Variants in NKPD1 observed in about 807,000 individuals in gnomAD.
NKPD1 encodes the protein NTPase KAP family P-loop domain-containing protein 1.
NKPD1 carries 37 observed loss-of-function variants against 42.2 expected under a neutral mutation model. The observed-to-expected ratio is 0.88, with a 90% CI of 0.67 to 1.15. The LOEUF (loss-of-function observed/expected upper bound fraction) is 1.15, where lower values mean the gene tolerates loss of function less well. Among genes scored for constraint, NKPD1 ranks in the 50% most tolerant of loss-of-function variants. NKPD1 has a pLI of 0.00. For synonymous variants in NKPD1, 552 were observed against 536.5 expected (o/e 1.03, Z -0.40); for missense variants, 1,113 against 1,174.6 (o/e 0.95, Z 0.77).
At chr19:45,160,836 G>A (rs1290582030) in intron 1 of NKPD1, among the ~76,000 whole-genome samples, 89 bp downstream of exon 1, 1 of 152,038 alleles carries the variant, frequency 6.6e-6, no homozygotes, top group Non-Finnish European at 1.5e-5. Context: ...ACAGGGATAG[G>A]GAAAGGCTGA....
At position 45,153,427 on chromosome 19, in the gene NKPD1, C is replaced by T. The variant is rs551135480; in HGVS notation, c.1010G>A (p.Arg337Gln). ...CAGCAGCCCCAGGCACACGCGGCGC[C>T]GACAATGCCACTCGCTCTGGCAGCA... The part of the protein sequence containing the change: ...QDCCQSEWHC[R>Q]RRVCLGLLAL... The change falls in exon 5 of 5, where the codon CGG becomes CAG. Residue 337 changes from arginine to glutamine, a missense_variant. Physicochemically the swap from Arg to Gln is conservative, Grantham distance 43 (BLOSUM62 1). Transcript: ENST00000686631. The T allele has an allele frequency of 7.1e-6, 11 of 1,548,442 alleles. No individual in the cohort carries two copies. In the South Asian group the frequency reaches 9.4e-5, roughly 13 times the overall value.
chr19:45,153,184 T>C lies in NKPD1; in HGVS notation c.1253A>G (p.Glu418Gly). 2 of 1,584,436 alleles carry C rather than the reference T, an allele frequency of 1.3e-6. No individual in the cohort carries two copies. The highest frequency in any genetic ancestry group is 1.7e-6 in the Non-Finnish European group (2 of 1,166,240). The change falls in exon 5 of 5, where the codon GAA becomes GGA. Residue 418 changes from glutamate to glycine, a missense_variant. Physicochemically the swap from Glu to Gly is moderately conservative, Grantham distance 98. Around this residue, in one of 3 missense-constraint regions of NKPD1, gnomAD observed 867 missense variants for 870.1 expected, o/e 1.00. Transcript: ENST00000686631. ...RKKIERLVSR[E>G]KFGSQLGFMC... is the part of the protein sequence containing the mutation. ...GAAACCCAGCTGGCTGCCGAACTTT[T>C]CACGCGACACCAGCCGCTCGATCTT...
In NKPD1 at chr19:45,158,446, C is replaced by T. The variant is rs1968943154; in HGVS notation, c.529+217G>A. Among the ~76,000 whole-genome samples, 2 of 152,338 alleles carry T rather than the reference C, an allele frequency of 1.3e-5. No homozygotes were observed. Among genetic ancestry groups the T allele is most frequent in the South Asian group, 4.1e-4 (2 of 4,828 alleles). On this transcript the variant is annotated intron_variant, in intron 3 of 4. Coordinates refer to ENST00000686631, the MANE Select transcript of NKPD1 (RefSeq NM_198478.4). The surrounding 1 kb of genome is among the most constrained non-coding windows in gnomAD (Gnocchi z 4.6). Reference sequence around the variant, plus strand: ...TTCACTGCCTGGCGCAGGATGGAGGCACGGGGCAGGCCTGGCCTGGAAGCC... The same window carrying T: ...TTCACTGCCTGGCGCAGGATGGAGGTACGGGGCAGGCCTGGCCTGGAAGCC...
In NKPD1 at chr19:45,153,468, C is replaced by T; in HGVS notation, c.969G>A (p.Pro323=). The T allele has an allele frequency of 6.4e-7, 1 of 1,551,096 alleles. No individual in the cohort carries two copies. Among genetic ancestry groups the T allele is most frequent in the Non-Finnish European group, 8.7e-7 (1 of 1,151,390 alleles). Residue 323 remains proline (P), a synonymous_variant, in exon 5 of 5, where the codon CCG becomes CCA. Transcript: ENST00000686631. ...TCTGGCAGCAGTCCTGCCTGGTGGC[C>T]GGCTTGTTGCCCAGCACCGAGTACA... ...FSVYSVLGNK[P]ATRQDCCQSE... is the part of the protein sequence containing the mutation.
At position 45,158,717 on chromosome 19, in the gene NKPD1, C is replaced by A; in HGVS notation, c.475G>T (p.Ala159Ser). 8.3e-7 allele frequency: 1 copy of A among 1,200,692 alleles called. No individual in the cohort carries two copies. Among genetic ancestry groups the A allele is most frequent in the South Asian group, 1.5e-5 (1 of 65,648 alleles). The allele number at this position is 1,200,692 out of a possible 1,614,324, so 74.4% of individuals were successfully genotyped here. Residue 159 changes from alanine to serine, a missense_variant, in exon 3 of 5, where the codon GCC becomes TCC. Physicochemically the swap from Ala to Ser is moderately conservative, Grantham distance 99 (BLOSUM62 1). This residue lies in a region of NKPD1 where 204 missense variants were observed against 227.8 expected (regional missense o/e 0.90). Transcript: ENST00000686631. This position sits in a 1 kb window ranked among gnomAD's most constrained non-coding sequence, Gnocchi z 4.6. ...GCCGCTGGGGCGGGCAGGGGCCGGG[C>A]ATCAGTGGGCTCGCTGGGCTTCAGG... ...VLLKPSEPTD[A>S]RPLPAPAACG...
In NKPD1 at chr19:45,153,372, C is replaced by T. The variant is rs942799461; in HGVS notation, c.1065G>A (p.Val355=). ...CGCCCAGTGACAAGTAGAGCAGCCCCACACCCAGGCCCAGCGCCGCCAGCA... is the reference window on the plus strand; with the variant it reads ...CGCCCAGTGACAAGTAGAGCAGCCCTACACCCAGGCCCAGCGCCGCCAGCA... The part of the protein sequence containing the change: ...LALLAALGLG[V]GLLYLSLGGH... Residue 355 remains valine (V), a synonymous_variant, in exon 5 of 5, where the codon GTG becomes GTA. Transcript: ENST00000686631. 3.8e-6 allele frequency: 6 copies of T among 1,565,788 alleles called. No homozygotes were observed. The highest frequency in any genetic ancestry group is 1.7e-4 in the Middle Eastern group (1 of 5,840).
rs1045175979 is a variant in NKPD1, at chr19:45,150,585, G to C, written c.*1353C>G. ...TGAGGCCAGCTCTCCCTGACTGCTGGGAAACAGCTCCCAGGAGGTCCAGGC... is the reference window on the plus strand; with the variant it reads ...TGAGGCCAGCTCTCCCTGACTGCTGCGAAACAGCTCCCAGGAGGTCCAGGC... On this transcript the variant is annotated 3_prime_UTR_variant, in exon 5 of 5. Transcript: ENST00000686631. The C allele has an allele frequency of 2.6e-5, 4 of 152,314 alleles. No homozygotes were observed. The highest frequency in any genetic ancestry group is 9.7e-5 in the African/African-American group (4 of 41,432). The allele number at this position is 152,314 out of a possible 1,614,324, so 9.4% of individuals were successfully genotyped here.
chr19:45,152,329 G>A lies in NKPD1; in HGVS notation c.2108C>T (p.Thr703Ile), dbSNP rs757018797. The A allele has an allele frequency of 5.0e-6, 8 of 1,608,720 alleles. No homozygotes were observed. The highest frequency in any genetic ancestry group is 1.3e-5 in the African/African-American group (1 of 74,890). ...CACGTTCTGCAACGCCTTGGTCATG[G>A]TGTGCAGCTCGCGGCTGTTGTCGCG... Reference protein sequence around the residue: ...VFRDNSRELHTMTKALQNVLD... With the variant: ...VFRDNSRELHIMTKALQNVLD... Residue 703 changes from threonine to isoleucine, a missense_variant, in exon 5 of 5, where the codon ACC becomes ATC. By Grantham distance (89) the Thr-to-Ile change is moderately conservative (BLOSUM62 -1). Coordinates refer to ENST00000686631, the MANE Select transcript of NKPD1 (RefSeq NM_198478.4).
chr19:45,151,565 T>G lies in NKPD1; in HGVS notation c.*373A>C. ...CCTCTCCTGCCACAGAGATGCCAGA[T>G]GAGGAGGCCAGCATGGTGCAGAGGA... On this transcript the variant is annotated 3_prime_UTR_variant, in exon 5 of 5. Coordinates refer to ENST00000686631, the MANE Select transcript of NKPD1 (RefSeq NM_198478.4). The G allele has an allele frequency of 5.2e-6, 1 of 191,660 alleles. No homozygotes were observed. Among genetic ancestry groups the G allele is most frequent in the East Asian group, 1.3e-4 (1 of 7,704 alleles). 11.9% of individuals were successfully genotyped at this position (191,660 alleles called of 1,614,324 possible).
At position 45,151,564 on chromosome 19, in the gene NKPD1, A is replaced by C. The variant is rs1968777271; in HGVS notation, c.*374T>G. 1 of 192,326 alleles carries C rather than the reference A, an allele frequency of 5.2e-6. No individual in the cohort carries two copies. The highest frequency in any genetic ancestry group is 6.1e-5 in the Admixed American group (1 of 16,362). The allele number at this position is 192,326 out of a possible 1,614,324, so 11.9% of individuals were successfully genotyped here. On this transcript the variant is annotated 3_prime_UTR_variant, in exon 5 of 5. Coordinates refer to ENST00000686631, the MANE Select transcript of NKPD1 (RefSeq NM_198478.4). ...GCCTCTCCTGCCACAGAGATGCCAG[A>C]TGAGGAGGCCAGCATGGTGCAGAGG...
chr19:45,156,878 A>T (rs10416371), intron 3 of NKPD1, among the ~76,000 whole-genome samples: 5 of 152,068 alleles, frequency 3.3e-5, no homozygotes, highest in African/African-American at 1.2e-4. Context: ...GCCAGGAAGC[A>T]GACTCAGGAG....
intron 4 of NKPD1, 70 bp from the exon 5 acceptor site, chr19:45,153,845 A>T: frequency 1.4e-6 from 2 of 1,379,466 alleles, no homozygotes; most frequent in Non-Finnish European, 9.4e-7. Context: ...TAGTACGGGC[A>T]GGGCGGAGCG....
At chr19:45,161,397 G>A (rs565998932), upstream of NKPD1, among the ~76,000 whole-genome samples, 12 of 152,332 alleles carry the variant, frequency 7.9e-5, no homozygotes, top group African/African-American at 2.2e-4. Context: ...AGGGCCTGGC[G>A]CACCTGACCC....
At chr19:45,160,318 G>A (rs985711629) in intron 1 of NKPD1, among the ~76,000 whole-genome samples, 97 bp from the exon 2 acceptor site, 5 of 152,182 alleles carry the variant, frequency 3.3e-5, no homozygotes, top group Admixed American at 2.6e-4. Flanking sequence ...GGGTTCCTAG[G>A]TCACTTGGGA....
intron 1 of NKPD1, 40 bp from the exon 2 acceptor site, chr19:45,160,261 G>T: frequency 1.9e-6 from 1 of 528,600 alleles, no homozygotes; most frequent in Non-Finnish European, 3.1e-6. Flanking sequence ...CAGGGTCCCT[G>T]CCCTGCCCGA....
chr19:45,151,334 A>C lies in NKPD1; in HGVS notation c.*604T>G, dbSNP rs1308691101. 1 of 152,204 alleles carries C rather than the reference A, an allele frequency of 6.6e-6. No individual in the cohort carries two copies. Among genetic ancestry groups the C allele is most frequent in the African/African-American group, 2.4e-5 (1 of 41,410 alleles). The allele number at this position is 152,204 out of a possible 1,614,324, so 9.4% of individuals were successfully genotyped here. ...GCGAGGTCTAACCCATTACGTTGAGAATGGAGCCACCCTAGGGGTGGAGCA... is the reference window on the plus strand; with the variant it reads ...GCGAGGTCTAACCCATTACGTTGAGCATGGAGCCACCCTAGGGGTGGAGCA... On this transcript the variant is annotated 3_prime_UTR_variant, in exon 5 of 5. Transcript: ENST00000686631.
Position 45,153,115 on chromosome 19 carries a change from AG to A in NKPD1, c.1321del (p.Leu441CysfsTer62). ...KKEVELLTDF[L>X]CFLEIYQRRR... ...CCGCTGGTAGATCTCCAGGAAGCAC[AG>A]GAAGTCGGTGAGCAGCTCCACCTCC... On this transcript the variant is annotated frameshift_variant, in exon 5 of 5. Transcript: ENST00000686631. LOFTEE classifies it high-confidence loss of function. The A allele has an allele frequency of 6.3e-7, 1 of 1,575,990 alleles. No individual in the cohort carries two copies. The highest frequency in any genetic ancestry group is 8.6e-7 in the Non-Finnish European group (1 of 1,161,594).
Position 45,158,700 on chromosome 19 carries a change from G to C in NKPD1, c.492C>G (p.Ala164=), listed in dbSNP as rs1968948233. Residue 164 remains alanine (A), a synonymous_variant, in exon 3 of 5, where the codon GCC becomes GCG. Transcript: ENST00000686631. This position sits in a 1 kb window ranked among gnomAD's most constrained non-coding sequence, Gnocchi z 4.6. ...SEPTDARPLP[A]PAACGSFTAY... ...CAGTGAAGGAGCCACAGGCCGCTGG[G>C]GCGGGCAGGGGCCGGGCATCAGTGG... 8.4e-7 allele frequency: 1 copy of C among 1,191,264 alleles called. No individual in the cohort carries two copies. 73.8% of individuals were successfully genotyped at this position (1,191,264 alleles called of 1,614,324 possible).
At position 45,153,390 on chromosome 19, in the gene NKPD1, C is replaced by A; in HGVS notation, c.1047G>T (p.Ala349=). 6.4e-7 allele frequency: 1 copy of A among 1,554,046 alleles called. No homozygotes were observed. The highest frequency in any genetic ancestry group is 8.7e-7 in the Non-Finnish European group (1 of 1,153,262). ...RVCLGLLALL[A]ALGLGVGLLY... ...GCAGCCCCACACCCAGGCCCAGCGCCGCCAGCAGCGCCAGCAGCCCCAGGC... is the reference window on the plus strand; with the variant it reads ...GCAGCCCCACACCCAGGCCCAGCGCAGCCAGCAGCGCCAGCAGCCCCAGGC... Residue 349 remains alanine, a synonymous_variant, in exon 5 of 5, where the codon GCG becomes GCT. Coordinates refer to ENST00000686631, the MANE Select transcript of NKPD1 (RefSeq NM_198478.4).
Sources: allele counts gnomAD v4.1 joint callset (sites outside exome capture counted in the v4.1 genomes callset), GRCh38; gene constraint gnomAD v4.1.1; regional missense constraint gnomAD v4.1.1; non-coding constraint Gnocchi (gnomAD v3.1); transcripts MANE v1.5; gene names NCBI Gene and HGNC (gene_info 2026-07-23, HGNC 2026-07-21).